NMNAT2: variants seen among roughly 807,000 people sequenced by gnomAD.
NMNAT2 encodes nicotinamide/nicotinic acid mononucleotide adenylyltransferase 2.
NMNAT2 carries 11 observed loss-of-function variants against 41.6 expected under a neutral mutation model. The observed-to-expected ratio is 0.26, with a 90% CI of 0.17 to 0.44. NMNAT2 has a LOEUF of 0.44. Ranked by LOEUF, NMNAT2 falls within the 20% of genes least tolerant of loss-of-function variation. The pLI, the probability that NMNAT2 is intolerant of heterozygous loss-of-function variation, is 1.00. For synonymous variants in NMNAT2, 148 were observed against 151.2 expected (o/e 0.98, Z 0.16); for missense variants, 288 against 407.7 (o/e 0.71, Z 2.53).
intron 1 of NMNAT2, among the ~76,000 whole-genome samples, chr1:183,406,594 T>C (rs1571643431): frequency 6.6e-6 from 1 of 152,214 alleles, no homozygotes; most frequent in African/African-American, 2.4e-5. Flanking sequence ...ATTTCAGAAC[T>C]GGAAGACTAT....
intron 9 of NMNAT2, 50 bp downstream of exon 9, chr1:183,261,152 T>A: frequency 6.2e-7 from 1 of 1,604,642 alleles, no homozygotes; most frequent in Non-Finnish European, 8.5e-7. Context: ...CTGCCAGGAC[T>A]CTCAGAGAAG....
chr1:183,302,305 A>G (rs551627005), intron 1 of NMNAT2, among the ~76,000 whole-genome samples: 78 of 152,296 alleles, frequency 5.1e-4, no homozygotes, highest in Middle Eastern at 3.4e-3. Context: ...AAATAATAAG[A>G]TACCAAAATG....
rs1571548273 is a variant in NMNAT2, at chr1:183,249,252, T to A, written c.*3389A>T. On this transcript the variant is annotated 3_prime_UTR_variant, in exon 11 of 11. Coordinates refer to ENST00000287713, the MANE Select transcript of NMNAT2 (RefSeq NM_015039.4). ...AGAAGGCTCTAGAGGCTGCCTGGGG[T>A]TGGGGGTGTGTGACTGAGGTACCCA... is the stretch of plus-strand genomic sequence containing the variant. 1 of 152,162 alleles carries A rather than the reference T, an allele frequency of 6.6e-6. No individual in the cohort carries two copies. Among genetic ancestry groups the A allele is most frequent in the Admixed American group, 6.6e-5 (1 of 15,264 alleles). 9.4% of individuals were successfully genotyped at this position (152,162 alleles called of 1,614,324 possible).
intron 3 of NMNAT2, 36 bp from the exon 4 acceptor site, chr1:183,290,242 G>A (rs1476272029): frequency 1.3e-6 from 2 of 1,497,664 alleles, no homozygotes; most frequent in Non-Finnish European, 1.8e-6. Context: ...CTTGGTTTCT[G>A]TTCTCATATT....
At chr1:183,398,874 A>G (rs1246790834) in intron 1 of NMNAT2, among the ~76,000 whole-genome samples, 4 of 152,234 alleles carry the variant, frequency 2.6e-5, no homozygotes, top group Non-Finnish European at 5.9e-5. Flanking sequence ...GAGAACAAAG[A>G]CACAACATAC....
intron 1 of NMNAT2, among the ~76,000 whole-genome samples, chr1:183,350,840 G>T (rs564621973): frequency 4.6e-5 from 7 of 152,192 alleles, no homozygotes; most frequent in African/African-American, 1.7e-4. Flanking sequence ...AAGGCTCAAA[G>T]AAATTAAGTA....
chr1:183,310,188 A>G (rs1662080786), intron 1 of NMNAT2, among the ~76,000 whole-genome samples: 6 of 152,212 alleles, frequency 3.9e-5, no homozygotes, highest in Admixed American at 6.5e-5. Flanking sequence ...ACTCTCCCAA[A>G]CATTCTTAAA....
intron 1 of NMNAT2, among the ~76,000 whole-genome samples, chr1:183,336,857 A>G (rs1223094104): frequency 6.6e-6 from 1 of 152,234 alleles, no homozygotes; most frequent in Non-Finnish European, 1.5e-5. Flanking sequence ...AGATTCAAAC[A>G]ATGGAATACT....
intron 1 of NMNAT2, among the ~76,000 whole-genome samples, chr1:183,305,957 G>C (rs1661983822): frequency 1.3e-5 from 2 of 152,088 alleles, no homozygotes; most frequent in African/African-American, 4.8e-5. Flanking sequence ...CCTGACCTCA[G>C]GTGGTCCACC....
At chr1:183,301,857 T>C (rs141476924) in intron 1 of NMNAT2, among the ~76,000 whole-genome samples, 31 of 152,268 alleles carry the variant, frequency 2.0e-4, no homozygotes, top group Admixed American at 1.3e-3. Flanking sequence ...AATGGAAGAG[T>C]GTTTCTTCCA....
intron 8 of NMNAT2, among the ~76,000 whole-genome samples, chr1:183,273,990 G>A (rs1451640765): frequency 6.6e-6 from 1 of 151,618 alleles, no homozygotes; most frequent in Non-Finnish European, 1.5e-5. Flanking sequence ...TTGGCTCACT[G>A]CAACCTCTAT....
chr1:183,254,240 C>T (rs1353605031), intron 10 of NMNAT2, among the ~76,000 whole-genome samples: 2 of 152,120 alleles, frequency 1.3e-5, no homozygotes, highest in African/African-American at 2.4e-5. Context: ...ACACCCTCAT[C>T]GACATTTGTT....
chr1:183,401,567 G>A (rs1648809168), intron 1 of NMNAT2, among the ~76,000 whole-genome samples: 1 of 152,148 alleles, frequency 6.6e-6, no homozygotes, highest in African/African-American at 2.4e-5. Flanking sequence ...ATTACTGGGT[G>A]TATACCCAAA....
At chr1:183,396,544 G>A (rs1487576001) in intron 1 of NMNAT2, among the ~76,000 whole-genome samples, 1 of 152,082 alleles carries the variant, frequency 6.6e-6, no homozygotes, top group Admixed American at 6.5e-5. Flanking sequence ...CCTCAAGTTA[G>A]CGTGTATATA....
At chr1:183,390,902 C>A (rs968223480) in intron 1 of NMNAT2, among the ~76,000 whole-genome samples, 1 of 152,184 alleles carries the variant, frequency 6.6e-6, no homozygotes, top group Non-Finnish European at 1.5e-5. Context: ...ATAGCCTCCA[C>A]AGCCTGAAAT....
chr1:183,283,864 C>T (rs1016016004), intron 7 of NMNAT2, 131 bp downstream of exon 7: 2 of 845,478 alleles, frequency 2.4e-6, no homozygotes, highest in South Asian at 1.4e-5. Context: ...GGAACGATCC[C>T]TCTTCCGAGA....
chr1:183,341,058 A>G (rs116297898), intron 1 of NMNAT2, among the ~76,000 whole-genome samples: 1,556 of 152,354 alleles, frequency 0.01, 36 homozygotes, highest in African/African-American at 0.035. Context: ...GACTTGCCCA[A>G]GGTCATGCAG....
chr1:183,352,678 T>C (rs984771946), intron 1 of NMNAT2, among the ~76,000 whole-genome samples: 15 of 152,188 alleles, frequency 9.9e-5, no homozygotes, highest in African/African-American at 3.6e-4. Context: ...TGTCAGTTTA[T>C]TGCAAGCCTG....
At chr1:183,262,417 C>G (rs1271687670) in intron 8 of NMNAT2, among the ~76,000 whole-genome samples, 1 of 151,910 alleles carries the variant, frequency 6.6e-6, no homozygotes, top group African/African-American at 2.4e-5. Flanking sequence ...TATATATCCA[C>G]AATTGGATTA....
Sources: allele counts gnomAD v4.1 joint callset (sites outside exome capture counted in the v4.1 genomes callset), GRCh38; gene constraint gnomAD v4.1.1; transcripts MANE v1.5; gene names NCBI Gene and HGNC (gene_info 2026-07-23, HGNC 2026-07-21).